EXO1: variants seen among roughly 807,000 people sequenced by gnomAD.
The protein encoded by EXO1 is exonuclease 1.
A neutral mutation model predicts 84.5 loss-of-function variants in EXO1; 69 were observed. The ratio of observed to expected loss-of-function variants is 0.82; its 90% CI spans 0.67 to 1.00. EXO1 has a LOEUF of 1.00. EXO1 is among the 50% of genes least tolerant of loss of function. The probability of loss-of-function intolerance (pLI) is 0.00; values close to 1 mark genes in which losing one functional copy is unlikely to be tolerated. For synonymous variants in EXO1, 373 were observed against 366.1 expected (o/e 1.02, Z -0.21); for missense variants, 1,045 against 1,000.7 (o/e 1.04, Z -0.60).
Position 241,857,316 on chromosome 1 carries a change from T to C in EXO1, c.406-29T>C, listed in dbSNP as rs748063100. ...GTTTAGTACTTTCCAGATGCCGTGC[T>C]AGAGATTCACTGTGATTCTCTCTTC... On this transcript the variant is annotated intron_variant, in intron 6 of 15. Transcript: ENST00000366548. 6 of 1,611,298 alleles carry C rather than the reference T, an allele frequency of 3.7e-6. No individual in the cohort carries two copies. In the East Asian group the frequency reaches 1.1e-4, roughly 30 times the overall value.
chr1:241,860,676 G>A lies in EXO1; in HGVS notation c.916G>A (p.Asp306Asn), dbSNP rs1238846412. ...TCTGAACGCCTATGAAGATGATGTT[G>A]ATCCTGAAACACTAAGCTACGCTGG... Reference protein sequence around the residue: ...IPLNAYEDDVDPETLSYAGQY... With the variant: ...IPLNAYEDDVNPETLSYAGQY... Residue 306 changes from aspartate (D) to asparagine (N), a missense_variant, in exon 9 of 16, where the codon GAT becomes AAT. By Grantham distance (23) the Asp-to-Asn change is conservative. Transcript: ENST00000366548. 2 of 1,613,824 alleles carry A rather than the reference G, an allele frequency of 1.2e-6. No homozygotes were observed. The highest frequency in any genetic ancestry group is 1.1e-5 in the South Asian group (1 of 91,076).
intron 12 of EXO1, among the ~76,000 whole-genome samples, chr1:241,876,065 G>A (rs559395833): frequency 1.2e-4 from 18 of 152,170 alleles, no homozygotes; most frequent in South Asian, 1.0e-3. Flanking sequence ...TACAGGGCTC[G>A]CCTATTTAGT....
At chr1:241,888,260 A>AG (rs970556601) in intron 15 of EXO1, among the ~76,000 whole-genome samples, 2 of 152,204 alleles carry the variant, frequency 1.3e-5, no homozygotes, top group African/African-American at 4.8e-5. Context: ...TTAAAAAAAA[A>AG]TGTAAAGTAT....
chr1:241,885,382 T>G lies in EXO1; in HGVS notation c.2280T>G (p.Pro760=). Reference sequence around the variant, plus strand: ...CAACCAAGATCAAACCTCTAGGACCTGCCAGAGCCAGTGGGCTGAGCAAGA... The same window carrying G: ...CAACCAAGATCAAACCTCTAGGACCGGCCAGAGCCAGTGGGCTGAGCAAGA... ...LSTTKIKPLG[P]ARASGLSKKP... Residue 760 remains proline (P), a synonymous_variant, in exon 15 of 16, where the codon CCT becomes CCG. Coordinates refer to ENST00000366548, the MANE Select transcript of EXO1 (RefSeq NM_130398.4). 1 of 1,613,878 alleles carries G rather than the reference T, an allele frequency of 6.2e-7. No homozygotes were observed. Among genetic ancestry groups the G allele is most frequent in the South Asian group, 1.1e-5 (1 of 91,068 alleles).
intron 6 of EXO1, among the ~76,000 whole-genome samples, chr1:241,855,414 A>G (rs1016677104): frequency 2.6e-5 from 4 of 152,138 alleles, no homozygotes; most frequent in African/African-American, 9.7e-5. Flanking sequence ...TGTGTTTACA[A>G]ACCTTGAGCT....
intron 10 of EXO1, among the ~76,000 whole-genome samples, chr1:241,864,799 T>A (rs909993619): frequency 1.1e-4 from 17 of 152,166 alleles, no homozygotes; most frequent in Admixed American, 7.2e-4. Context: ...TTTTGAGGAA[T>A]GATTATGGAA....
intron 10 of EXO1, among the ~76,000 whole-genome samples, chr1:241,866,434 C>A (rs1166777829): frequency 1.3e-5 from 2 of 152,106 alleles, no homozygotes; most frequent in South Asian, 4.1e-4. Context: ...TAAAAGACAC[C>A]GTTTTCCTGA....
At chr1:241,850,619 A>T (rs749673588) in intron 4 of EXO1, 33 bp downstream of exon 4, 2 of 1,584,448 alleles carry the variant, frequency 1.3e-6, no homozygotes, top group Non-Finnish European at 1.7e-6. Flanking sequence ...TTCTTTGACA[A>T]TTAAGAATGA....
At chr1:241,875,873 G>A (rs181511685) in intron 12 of EXO1, among the ~76,000 whole-genome samples, 33 of 152,122 alleles carry the variant, frequency 2.2e-4, no homozygotes, top group Admixed American at 1.6e-3. Context: ...GCGAGACTTC[G>A]TCTCAAAAAA....
Position 241,859,770 on chromosome 1 carries a change from A to C in EXO1, c.757-747A>C, listed in dbSNP as rs1201035438. Among the ~76,000 whole-genome samples, 4 of 152,230 alleles carry C rather than the reference A, an allele frequency of 2.6e-5. No individual in the cohort carries two copies. The East Asian group carries it at 7.7e-4, about 29-fold the overall frequency. On this transcript the variant is annotated intron_variant, in intron 8 of 15. Coordinates refer to ENST00000366548, the MANE Select transcript of EXO1 (RefSeq NM_130398.4). ...CATCTGGAAAATTCTGAGACTCTGG[A>C]CATTGCTACTTTGTAGTTTGTCTTA...
Position 241,872,240 on chromosome 1 carries a change from A to G in EXO1, c.1476A>G (p.Glu492=). 1 of 1,614,104 alleles carries G rather than the reference A, an allele frequency of 6.2e-7. No individual in the cohort carries two copies. The highest frequency in any genetic ancestry group is 1.1e-5 in the South Asian group (1 of 91,080). ...CAACATTTTTACAAAGGAAAAATGA[A>G]GAAAGTGGTGCAGTTGTGGTTCCAG... ...KFATFLQRKN[E]ESGAVVVPGT... is the part of the protein sequence containing the mutation. Residue 492 remains glutamate (E), a synonymous_variant, in exon 12 of 16, where the codon GAA becomes GAG. Transcript: ENST00000366548.
intron 6 of EXO1, among the ~76,000 whole-genome samples, chr1:241,855,220 A>T (rs376560312): frequency 6.6e-6 from 1 of 152,208 alleles, no homozygotes; most frequent in East Asian, 1.9e-4. Flanking sequence ...GTCTGTTTTG[A>T]CAGGGTGCTG....
chr1:241,849,536 C>T (rs1301459829), intron 3 of EXO1, among the ~76,000 whole-genome samples: 1 of 152,140 alleles, frequency 6.6e-6, no homozygotes, highest in Non-Finnish European at 1.5e-5. Context: ...ATGGAGTTGC[C>T]CCTGGGCGCC....
intron 10 of EXO1, among the ~76,000 whole-genome samples, chr1:241,862,021 C>G (rs1174148122): frequency 6.6e-6 from 1 of 152,228 alleles, no homozygotes; most frequent in Non-Finnish European, 1.5e-5. Context: ...TCACCACAAC[C>G]TCCGCCTCCC....
At chr1:241,875,550 A>T (rs1262122512) in intron 12 of EXO1, among the ~76,000 whole-genome samples, 1 of 152,190 alleles carries the variant, frequency 6.6e-6, no homozygotes, top group Non-Finnish European at 1.5e-5. Context: ...ATGATGAAAA[A>T]TTGGCCACAA....
rs1206315631 is a variant in EXO1, at chr1:241,858,585, A to G, written c.623A>G (p.Asp208Gly). Residue 208 changes from aspartate to glycine, a missense_variant, in exon 8 of 16, where the codon GAT becomes GGT. Asp to Gly is a moderately conservative substitution (Grantham distance 94, BLOSUM62 -1). Coordinates refer to ENST00000366548, the MANE Select transcript of EXO1 (RefSeq NM_130398.4). ...CTAGGAATGTGCAGACAGCTTGGGG[A>G]TGTATTCACGGAAGAGAAGTTTCGT... ...ARLGMCRQLGDVFTEEKFRYM... is the reference protein window; with the variant it reads ...ARLGMCRQLGGVFTEEKFRYM... 1 of 1,613,962 alleles carries G rather than the reference A, an allele frequency of 6.2e-7. No homozygotes were observed. Among genetic ancestry groups the G allele is most frequent in the Non-Finnish European group, 8.5e-7 (1 of 1,179,964 alleles).
Position 241,853,297 on chromosome 1 carries a change from T to TA in EXO1, c.282-60dup, listed in dbSNP as rs562099707. 1.8e-4 allele frequency: 277 copies of TA among 1,575,878 alleles called. 4 individuals carry two copies. The East Asian group carries it at 4.9e-3, about 28-fold the overall frequency. ...AAAGCTTCTTGAATTACAGTTCTGT[T>TA]ACAGTTTCTTGAGTCAGCCTCTTAA... On this transcript the variant is annotated intron_variant, in intron 5 of 15. Transcript: ENST00000366548.
At chr1:241,856,459 A>G (rs772855511) in intron 6 of EXO1, among the ~76,000 whole-genome samples, 19 of 152,092 alleles carry the variant, frequency 1.2e-4, no homozygotes, top group Non-Finnish European at 2.5e-4. Flanking sequence ...GCTATAGCCT[A>G]TAATATATAT....
At chr1:241,887,057 T>TA (rs1428667638) in intron 15 of EXO1, among the ~76,000 whole-genome samples, 1 of 152,236 alleles carries the variant, frequency 6.6e-6, no homozygotes, top group African/African-American at 2.4e-5. Context: ...TCTTTGCTGT[T>TA]ATGTCTAAAT....
Sources: gnomAD v4.1 joint callset for allele counts (sites outside exome capture counted in the v4.1 genomes callset) on GRCh38, gnomAD v4.1.1 for gene constraint, MANE v1.5 for transcripts, NCBI Gene and HGNC (gene_info 2026-07-23, HGNC 2026-07-21) for gene names.